The following DNAH17 variants were observed in gnomAD, a reference collection of about 807,000 sequenced individuals.
DNAH17 encodes the protein dynein axonemal heavy chain 17, also known as axonemal beta dynein heavy chain 17.
In DNAH17, 376 loss-of-function variants were observed where a neutral mutation model predicts 485.6. The observed-to-expected ratio is 0.77, with a 90% CI of 0.71 to 0.84. DNAH17 has a LOEUF of 0.84. Ranked by LOEUF, DNAH17 falls within the 40% of genes least tolerant of loss-of-function variation. The probability of loss-of-function intolerance (pLI) is 0.00; values close to 1 mark genes in which losing one functional copy is unlikely to be tolerated. For synonymous variants in DNAH17, 3,031 were observed against 2,405.9 expected, an observed-to-expected ratio of 1.26 and a Z score of -7.60; for missense variants, 6,370 against 5,839.3, an observed-to-expected ratio of 1.09 and a Z score of -2.96.
Position 78,486,207 on chromosome 17 carries a change from C to G in DNAH17, c.7101+17G>C. The G allele has an allele frequency of 6.3e-7, 1 of 1,582,286 alleles. No individual in the cohort carries two copies. Among genetic ancestry groups the G allele is most frequent in the East Asian group, 2.2e-5 (1 of 44,590 alleles). ...GAGAGACCCTGTGTGGGTGGCCGGG[C>G]CCCCCAGGTGCATCACCTGGTCCTG... On this transcript the variant is annotated intron_variant, in intron 45 of 80. Coordinates refer to ENST00000389840, the MANE Select transcript of DNAH17 (RefSeq NM_173628.4).
chr17:78,567,780 C>T (rs1363638069), intron 9 of DNAH17, among the ~76,000 whole-genome samples: 1 of 152,158 alleles, frequency 6.6e-6, no homozygotes, highest in Non-Finnish European at 1.5e-5. Context: ...CTCCCATCTG[C>T]GCCGCTTGTG....
At chr17:78,534,433 A>C (rs770353652) in intron 19 of DNAH17, among the ~76,000 whole-genome samples, 3 of 152,228 alleles carry the variant, frequency 2.0e-5, no homozygotes, top group Non-Finnish European at 4.4e-5. Context: ...GAAAGAAGCC[A>C]CAGGGGAGAG....
chr17:78,465,691 C>T (rs1417814372), intron 56 of DNAH17, among the ~76,000 whole-genome samples: 139 of 149,236 alleles, frequency 9.3e-4, no homozygotes, highest in African/African-American at 3.1e-3. Context: ...ACCCTCTGCC[C>T]GGCAACCGCC....
intron 25 of DNAH17, among the ~76,000 whole-genome samples, chr17:78,519,162 C>T (rs150724477): frequency 0.059 from 5,995 of 100,802 alleles, 171 homozygotes; most frequent in South Asian, 0.13. Context: ...AGCGAGACTC[C>T]GTCTCAAAAA....
At chr17:78,474,386 AG>A (rs1442139240) in intron 54 of DNAH17, among the ~76,000 whole-genome samples, 1 of 152,258 alleles carries the variant, frequency 6.6e-6, no homozygotes. Flanking sequence ...CTGGGAGAGC[AG>A]ATTTTCAGGA....
chr17:78,434,216 G>C lies in DNAH17; in HGVS notation c.12038C>G (p.Thr4013Ser). 6.2e-7 allele frequency: 1 copy of C among 1,604,780 alleles called. No homozygotes were observed. Among genetic ancestry groups the C allele is most frequent in the Non-Finnish European group, 8.5e-7 (1 of 1,173,014 alleles). Residue 4013 changes from threonine (T) to serine (S), a missense_variant, in exon 75 of 81, where the codon ACC (threonine) becomes AGC (serine). Transcript: ENST00000389840. ...CATCTCCTTGGTGCACATCTCCAGG[G>C]TGTCCTGTGGGGCACACGCTCCGGT... ...HKALDLFTQD[T>S]LEMCTKEMEF...
chr17:78,441,256 C>T (rs534569545), intron 71 of DNAH17, 57 bp from the exon 72 acceptor site: 33 of 1,596,550 alleles, frequency 2.1e-5, no homozygotes, highest in Admixed American at 3.4e-5. Context: ...CAGGGCGGGG[C>T]GCTCGGGGTG....
intron 18 of DNAH17, among the ~76,000 whole-genome samples, chr17:78,538,705 C>G (rs1407178460): frequency 6.6e-6 from 1 of 152,122 alleles, no homozygotes; most frequent in Non-Finnish European, 1.5e-5. Flanking sequence ...TTTGTTGAGA[C>G]GCTTTCACTG....
intron 22 of DNAH17, among the ~76,000 whole-genome samples, chr17:78,528,004 C>G (rs1394353234): frequency 6.6e-6 from 1 of 151,920 alleles, no homozygotes; most frequent in Non-Finnish European, 1.5e-5. Flanking sequence ...GTCTTGAACT[C>G]CTTGGCTCAA....
At position 78,568,617 on chromosome 17, in the gene DNAH17, A is replaced by G. The variant is rs189434726; in HGVS notation, c.1284+549T>C. Among the ~76,000 whole-genome samples, 1,239 of 152,252 alleles carry G rather than the reference A, an allele frequency of 8.1e-3. 16 individuals carry two copies. Among genetic ancestry groups the G allele is most frequent in the Admixed American group, 9.9e-3 (152 of 15,294 alleles). On this transcript the variant is annotated intron_variant, in intron 9 of 80. Coordinates refer to ENST00000389840, the MANE Select transcript of DNAH17 (RefSeq NM_173628.4). ...AAGCTTTTTTTTGAAACAGGGTCTC[A>G]CTTTGTCGCTCAGGCTGGACTGCAG...
chr17:78,459,476 G>A (rs771990672), intron 60 of DNAH17, among the ~76,000 whole-genome samples: 8 of 152,226 alleles, frequency 5.3e-5, no homozygotes, highest in African/African-American at 9.7e-5. Flanking sequence ...ACGAGATGAC[G>A]TGGCAGGTGT....
rs780460569 is a variant in DNAH17, at chr17:78,501,234, A to G, written c.5433T>C (p.Tyr1811=). The G allele has an allele frequency of 1.9e-6, 3 of 1,606,090 alleles. No individual in the cohort carries two copies. The highest frequency in any genetic ancestry group is 2.2e-5 in the South Asian group (2 of 90,540). The part of the protein sequence containing the change: ...NICDAQIQYS[Y]EYLGNTPRLV... ...GCCGCGGCGTGTTGCCCAGATACTCATAGGAATACTGGATTTGGGCATCGC... is the reference window on the plus strand; with the variant it reads ...GCCGCGGCGTGTTGCCCAGATACTCGTAGGAATACTGGATTTGGGCATCGC... Residue 1811 remains tyrosine, a synonymous_variant, in exon 35 of 81, where the codon TAT becomes TAC. Transcript: ENST00000389840.
At chr17:78,431,455 A>ACCCC (rs1010523692) in intron 75 of DNAH17, among the ~76,000 whole-genome samples, 19 of 146,912 alleles carry the variant, frequency 1.3e-4, no homozygotes, top group Non-Finnish European at 2.2e-4. Flanking sequence ...GGAACCCCCC[A>ACCCC]CCCCGAGACT....
chr17:78,458,375 T>G, intron 62 of DNAH17, 190 bp downstream of exon 62: 4 of 597,234 alleles, frequency 6.7e-6, no homozygotes, highest in Admixed American at 3.0e-5. Flanking sequence ...CGACAGGGCA[T>G]ATTTTGTGGA....
At position 78,526,935 on chromosome 17, in the gene DNAH17, G is replaced by C. The variant is rs1469476298; in HGVS notation, c.3569C>G (p.Ala1190Gly). The change falls in exon 23 of 81, where the codon GCA (alanine) becomes GGA (glycine). Residue 1190 changes from alanine (A) to glycine (G), a missense_variant. Ala to Gly is a moderately conservative substitution (Grantham distance 60). Transcript: ENST00000389840. The part of the protein sequence containing the change: ...KLAIQVKLTV[A>G]PLQANEVSIL... ...GCTGACCTCGTTGGCCTGGAGTGGT[G>C]CCACGGTCAGCTTCACCTGAATGGC... 1.3e-6 allele frequency: 2 copies of C among 1,587,896 alleles called. No individual in the cohort carries two copies. The highest frequency in any genetic ancestry group is 1.1e-5 in the South Asian group (1 of 86,990).
intron 14 of DNAH17, 90 bp from the exon 15 acceptor site, chr17:78,552,895 T>A: frequency 2.3e-6 from 2 of 863,930 alleles, no homozygotes; most frequent in Non-Finnish European, 1.9e-6. Flanking sequence ...CAACACCAAC[T>A]AATACGGTTT....
rs999003028 is a variant in DNAH17, at chr17:78,458,405, G to A, written c.9977+160C>T. 2.2e-5 allele frequency: 14 copies of A among 639,796 alleles called. No individual in the cohort carries two copies. The African/African-American group carries it at 2.4e-4, about 11-fold the overall frequency. 39.6% of individuals were successfully genotyped at this position (639,796 alleles called of 1,614,324 possible). A position where few individuals can be genotyped will look rare whatever the true frequency, so the allele number is the denominator to read the frequency against. Reference sequence around the variant, plus strand: ...TGTGGAGGCCACTGACTATGCAAGAGGCCAAGTTTTATCCTAATTACTTTG... The same window carrying A: ...TGTGGAGGCCACTGACTATGCAAGAAGCCAAGTTTTATCCTAATTACTTTG... On this transcript the variant is annotated intron_variant, in intron 62 of 80. Coordinates refer to ENST00000389840, the MANE Select transcript of DNAH17 (RefSeq NM_173628.4).
At chr17:78,430,637 A>G (rs692623) in intron 75 of DNAH17, among the ~76,000 whole-genome samples, 24,182 of 151,654 alleles carry the variant, frequency 0.16, 2,037 homozygotes, top group Middle Eastern at 0.21. Flanking sequence ...CTGGAGTGCA[A>G]TGGTGCAGTC....
At chr17:78,501,945 C>T in intron 33 of DNAH17, 72 bp from the exon 34 acceptor site, 3 of 1,591,892 alleles carry the variant, frequency 1.9e-6, no homozygotes, top group Non-Finnish European at 2.6e-6. Context: ...TGGCTGGGTG[C>T]CCACAGCTGC....
Sources: allele counts gnomAD v4.1 joint callset (sites outside exome capture counted in the v4.1 genomes callset), GRCh38; gene constraint gnomAD v4.1.1; transcripts MANE v1.5; gene names NCBI Gene and HGNC (gene_info 2026-07-23, HGNC 2026-07-21).